Variants in ARFGEF3 observed in about 807,000 individuals in gnomAD.
ARFGEF3 encodes the protein ARFGEF family member 3, also known as brefeldin A-inhibited guanine nucleotide-exchange protein 3.
In ARFGEF3, 96 loss-of-function variants were observed where a neutral mutation model predicts 221.7. That is an observed-to-expected ratio of 0.43 (90% CI 0.37 to 0.51). The LOEUF (loss-of-function observed/expected upper bound fraction) is 0.51. Among genes scored for constraint, ARFGEF3 ranks in the 20% least tolerant of loss-of-function variants. ARFGEF3 has a pLI of 0.00. For missense variants in ARFGEF3, 2,410 were observed against 2,789.9 expected (o/e 0.86, Z 3.07); for synonymous variants, 1,145 against 1,126.8 (o/e 1.02, Z -0.32).
At chr6:138,331,575 A>C (rs1780228021) in intron 32 of ARFGEF3, among the ~76,000 whole-genome samples, 1 of 152,270 alleles carries the variant, frequency 6.6e-6, no homozygotes. Context: ...AGCTTTACTC[A>C]ATCCACATAA....
chr6:138,276,015 C>G (rs1245412407), intron 12 of ARFGEF3, among the ~76,000 whole-genome samples: 1 of 152,134 alleles, frequency 6.6e-6, no homozygotes, highest in Non-Finnish European at 1.5e-5. Context: ...GAACTGTTTC[C>G]CACACATCCC....
intron 4 of ARFGEF3, among the ~76,000 whole-genome samples, chr6:138,223,102 C>G (rs1001082663): frequency 6.6e-6 from 1 of 152,076 alleles, no homozygotes; most frequent in African/African-American, 2.4e-5. Context: ...ATTTCATGGT[C>G]GAGGTACACT....
At chr6:138,314,060 AAG>A in intron 26 of ARFGEF3, 121 bp downstream of exon 26, 2 of 1,046,400 alleles carry the variant, frequency 1.9e-6, no homozygotes, top group Non-Finnish European at 2.7e-6. Flanking sequence ...GTGCTGCTAT[AAG>A]AGAATACTTG....
rs768305779 is a variant in ARFGEF3, at chr6:138,308,733, C to T, written c.3974-6C>T. The T allele has an allele frequency of 1.2e-5, 20 of 1,613,862 alleles. No homozygotes were observed. The highest frequency in any genetic ancestry group is 1.6e-5 in the Non-Finnish European group (19 of 1,179,832). On this transcript the variant is annotated splice_polypyrimidine_tract_variant and splice_region_variant and intron_variant, in intron 23 of 33. Transcript: ENST00000251691. ...TTCTTACAATTCTATAATCTTCCTC[C>T]CTTAGGAAAAGGCCAAGCTCCAGTG...
chr6:138,257,788 T>C (rs1778713193), intron 10 of ARFGEF3, among the ~76,000 whole-genome samples: 1 of 152,204 alleles, frequency 6.6e-6, no homozygotes. Flanking sequence ...CTTTGTGATA[T>C]AGGTAAATCA....
chr6:138,279,904 A>G (rs1434028960), intron 13 of ARFGEF3, 95 bp from the exon 14 acceptor site: 8 of 1,252,934 alleles, frequency 6.4e-6, no homozygotes, highest in Non-Finnish European at 9.1e-6. Context: ...GGTTTAGTTC[A>G]GGGCTCTGTG....
intron 4 of ARFGEF3, among the ~76,000 whole-genome samples, chr6:138,227,616 C>A (rs966442969): frequency 3.3e-5 from 5 of 152,092 alleles, no homozygotes; most frequent in African/African-American, 1.2e-4. Context: ...TGGCCACCAC[C>A]AACTCAGACT....
chr6:138,165,921 G>T (rs1776715572), intron 1 of ARFGEF3, among the ~76,000 whole-genome samples: 2 of 152,326 alleles, frequency 1.3e-5, no homozygotes, highest in South Asian at 4.1e-4. Flanking sequence ...TGTCCTGATG[G>T]TTCATGAGTG....
chr6:138,323,400 A>C (rs1985498), intron 29 of ARFGEF3, among the ~76,000 whole-genome samples: 2 of 152,028 alleles, frequency 1.3e-5, no homozygotes, highest in East Asian at 1.9e-4. Flanking sequence ...TCACCTGAGG[A>C]TGGGAGTTCG....
At chr6:138,220,592 A>G (rs1022607472) in intron 4 of ARFGEF3, among the ~76,000 whole-genome samples, 4 of 152,192 alleles carry the variant, frequency 2.6e-5, no homozygotes, top group African/African-American at 4.8e-5. Flanking sequence ...GCTAGAGTCT[A>G]TTTCTAAAAC....
Position 138,263,528 on chromosome 6 carries a change from G to C in ARFGEF3, c.2045G>C (p.Gly682Ala). 1 of 1,613,490 alleles carries C rather than the reference G, an allele frequency of 6.2e-7. No individual in the cohort carries two copies. The highest frequency in any genetic ancestry group is 8.5e-7 in the Non-Finnish European group (1 of 1,179,866). Residue 682 changes from glycine to alanine, a missense_variant, in exon 12 of 34, where the codon GGC becomes GCC. Around this residue, in one of 5 missense-constraint regions of ARFGEF3, gnomAD observed 594 missense variants for 734.3 expected, o/e 0.81. Transcript: ENST00000251691. ...AGGCTGTTCATACAGTCCCTGGAAG[G>C]CCTCCTCCCTCGGCTCCTGTCTCTC... ...SARLFIQSLE[G>A]LLPRLLSLSN...
chr6:138,284,881 G>C (rs192572940), intron 14 of ARFGEF3, among the ~76,000 whole-genome samples: 1 of 152,286 alleles, frequency 6.6e-6, no homozygotes, highest in East Asian at 1.9e-4. Context: ...ATAGCCTATT[G>C]CTCCAAGGCT....
In ARFGEF3 at chr6:138,255,612, G is replaced by T; in HGVS notation, c.947G>T (p.Gly316Val). ...TCCTGCACTGCGCCGGCCCTGAGCG[G>T]ACCTGTGGCTCGGACTATCTATTAC... ...GCSCTAPALSGPVARTIYYIA... is the reference protein window; with the variant it reads ...GCSCTAPALSVPVARTIYYIA... Residue 316 changes from glycine (G) to valine (V), a missense_variant, in exon 10 of 34, where the codon GGA becomes GTA. Transcript: ENST00000251691. 3 of 1,613,976 alleles carry T rather than the reference G, an allele frequency of 1.9e-6. No individual in the cohort carries two copies. Among genetic ancestry groups the T allele is most frequent in the Non-Finnish European group, 2.5e-6 (3 of 1,179,882 alleles).
chr6:138,281,478 C>T (rs939051225), intron 14 of ARFGEF3, among the ~76,000 whole-genome samples: 1 of 152,216 alleles, frequency 6.6e-6, no homozygotes, highest in Non-Finnish European at 1.5e-5. Context: ...CCTCTCCTGC[C>T]TTGCAGTCCC....
intron 12 of ARFGEF3, among the ~76,000 whole-genome samples, chr6:138,266,751 A>G (rs1778901340): frequency 6.7e-6 from 1 of 148,170 alleles, no homozygotes; most frequent in Non-Finnish European, 1.5e-5. Flanking sequence ...TGGGAGGCTG[A>G]GGCAGGAGAA....
chr6:138,313,629 C>T (rs1490416539), intron 25 of ARFGEF3, among the ~76,000 whole-genome samples, 166 bp from the exon 26 acceptor site: 1 of 152,150 alleles, frequency 6.6e-6, no homozygotes, highest in Non-Finnish European at 1.5e-5. Flanking sequence ...GGGATAGATG[C>T]CTCTTGTAAG....
In ARFGEF3 at chr6:138,234,823, C is replaced by T. The variant is rs964338835; in HGVS notation, c.421-3686C>T. Among the ~76,000 whole-genome samples, 12 of 152,204 alleles carry T rather than the reference C, an allele frequency of 7.9e-5. 1 individual carries two copies. In the East Asian group the frequency reaches 2.1e-3, roughly 27 times the overall value. ...TCCCAGTTGAAAATATACTAGCTCACCTCTTTATGGAACTTACTAGTATTA... is the reference window on the plus strand; with the variant it reads ...TCCCAGTTGAAAATATACTAGCTCATCTCTTTATGGAACTTACTAGTATTA... On this transcript the variant is annotated intron_variant, in intron 5 of 33. Transcript: ENST00000251691.
chr6:138,334,532 G>C lies in ARFGEF3; in HGVS notation c.5686G>C (p.Asp1896His), dbSNP rs1303786295. The change falls in exon 33 of 34, where the codon GAT becomes CAT. Residue 1896 changes from aspartate (D) to histidine (H), a missense_variant. This residue lies in a region of ARFGEF3 where 723 missense variants were observed against 991.9 expected (regional missense o/e 0.73). Transcript: ENST00000251691. This position sits in a 1 kb window ranked among gnomAD's most constrained non-coding sequence, Gnocchi z 5.1. ...LLSVQPVSNA[D>H]WVWLVKRLHK... ...CAGCGTCCAGCCTGTCAGCAACGCA[G>C]ATTGGGTGTGGCTGGTCAAGAGGCT... is the stretch of plus-strand genomic sequence containing the variant. 1 of 1,613,440 alleles carries C rather than the reference G, an allele frequency of 6.2e-7. No individual in the cohort carries two copies. Among genetic ancestry groups the C allele is most frequent in the African/African-American group, 1.3e-5 (1 of 74,974 alleles).
chr6:138,253,256 T>C (rs1778610978), intron 8 of ARFGEF3, among the ~76,000 whole-genome samples: 1 of 152,096 alleles, frequency 6.6e-6, no homozygotes, highest in South Asian at 2.1e-4. Context: ...ATGATAAATG[T>C]TTCATGGTCA....
Sources: gnomAD v4.1 joint callset for allele counts (sites outside exome capture counted in the v4.1 genomes callset) on GRCh38, gnomAD v4.1.1 for gene constraint, gnomAD v4.1.1 regional missense constraint, Gnocchi (gnomAD v3.1) non-coding constraint, MANE v1.5 for transcripts, NCBI Gene and HGNC (gene_info 2026-07-23, HGNC 2026-07-21) for gene names.